The following FAT2 variants were observed in gnomAD, a reference collection of about 807,000 sequenced individuals.
FAT2 encodes protocadherin Fat 2.
In FAT2, 150 loss-of-function variants were observed where a neutral mutation model predicts 295.3. The ratio of observed to expected loss-of-function variants is 0.51; its 90% CI spans 0.44 to 0.58. The LOEUF is 0.58. Among genes scored for constraint, FAT2 ranks in the 20% least tolerant of loss-of-function variants. FAT2 has a pLI of 0.00. For missense variants in FAT2, 4,868 were observed against 5,442.7 expected, an observed-to-expected ratio of 0.89 and a Z score of 3.32; for synonymous variants, 2,026 against 2,150.3, an observed-to-expected ratio of 0.94 and a Z score of 1.60.
At position 151,545,368 on chromosome 5, in the gene FAT2, G is replaced by A. The variant is rs2127611979; in HGVS notation, c.5759C>T (p.Pro1920Leu). The A allele has an allele frequency of 6.2e-7, 1 of 1,614,184 alleles. No individual in the cohort carries two copies. The highest frequency in any genetic ancestry group is 8.5e-7 in the Non-Finnish European group (1 of 1,180,036). Residue 1920 changes from proline (P) to leucine (L), a missense_variant, in exon 10 of 24, where the codon CCT becomes CTT. By Grantham distance (98) the Pro-to-Leu change is moderately conservative. Transcript: ENST00000261800. ...CAGCACAGATATGCTACCAGTGACAGGATGGATGGTAACAGCTTCATCAGC... is the reference window on the plus strand; with the variant it reads ...CAGCACAGATATGCTACCAGTGACAAGATGGATGGTAACAGCTTCATCAGC... ...GNADEAVTIHPVTGSISVLNP... is the reference protein window; with the variant it reads ...GNADEAVTIHLVTGSISVLNP...
rs772598726 is a variant in FAT2, at chr5:151,545,286, C to A, written c.5841G>T (p.Leu1947Phe). ...RKLTIRASDG[L>F]YQDTALVKIS... Reference sequence around the variant, plus strand: ...TTTTTACCAGCGCAGTGTCTTGATACAAGCCATCAGAAGCCCTGATGGTGA... The same window carrying A: ...TTTTTACCAGCGCAGTGTCTTGATAAAAGCCATCAGAAGCCCTGATGGTGA... Residue 1947 changes from leucine (L) to phenylalanine (F), a missense_variant, in exon 10 of 24, where the codon TTG (leucine) becomes TTT (phenylalanine). Physicochemically the swap from Leu to Phe is conservative, Grantham distance 22 (BLOSUM62 0). Coordinates refer to ENST00000261800, the MANE Select transcript of FAT2 (RefSeq NM_001447.3). 6.2e-7 allele frequency: 1 copy of A among 1,614,006 alleles called. No homozygotes were observed. The highest frequency in any genetic ancestry group is 1.3e-5 in the African/African-American group (1 of 74,902).
At chr5:151,539,447 A>T (rs1755874801) in intron 11 of FAT2, among the ~76,000 whole-genome samples, 2 of 152,198 alleles carry the variant, frequency 1.3e-5, no homozygotes, top group Non-Finnish European at 2.9e-5. Flanking sequence ...GTGGGTGAGT[A>T]TATGGTTGAT....
intron 23 of FAT2, among the ~76,000 whole-genome samples, chr5:151,506,600 G>A (rs1760898130): frequency 6.6e-6 from 1 of 152,244 alleles, no homozygotes; most frequent in African/African-American, 2.4e-5. Flanking sequence ...GTTAGAACAA[G>A]TCACTGCATC....
intron 1 of FAT2, among the ~76,000 whole-genome samples, chr5:151,577,550 G>C (rs1168915447): frequency 6.6e-6 from 1 of 152,212 alleles, no homozygotes; most frequent in Non-Finnish European, 1.5e-5. Flanking sequence ...AAGGGGTAGA[G>C]CATGGAGGGG....
chr5:151,582,048 C>T lies in FAT2; in HGVS notation c.-21+9117G>A, dbSNP rs142750592. ...GGCAGGTTGCTGCAGGTGGGAGCTG[C>T]GCTCTGGCAGTGGGGCAAGACAGGC... On this transcript the variant is annotated intron_variant, in intron 1 of 23. Coordinates refer to ENST00000261800, the MANE Select transcript of FAT2 (RefSeq NM_001447.3). Among the ~76,000 whole-genome samples, 217 of 152,328 alleles carry T rather than the reference C, an allele frequency of 1.4e-3. 1 individual carries two copies. The highest frequency in any genetic ancestry group is 0.012 in the East Asian group (60 of 5,184).
chr5:151,585,939 AGG>A (rs1357037616), intron 1 of FAT2, among the ~76,000 whole-genome samples: 1 of 152,212 alleles, frequency 6.6e-6, no homozygotes, highest in Non-Finnish European at 1.5e-5. Flanking sequence ...ACTCTCAGAA[AGG>A]TGGAATCATG....
chr5:151,573,792 C>T (rs146108702), intron 1 of FAT2, among the ~76,000 whole-genome samples: 1 of 152,196 alleles, frequency 6.6e-6, no homozygotes, highest in Non-Finnish European at 1.5e-5. Flanking sequence ...TGTTTCAGCT[C>T]TCTACTCCAG....
intron 14 of FAT2, 76 bp from the exon 15 acceptor site, chr5:151,529,468 G>T: frequency 7.7e-7 from 1 of 1,299,846 alleles, no homozygotes. Flanking sequence ...TCTGAGCCCA[G>T]CCCTAGGAGA....
At chr5:151,509,020 CTCTT>C (rs1000331428) in intron 22 of FAT2, among the ~76,000 whole-genome samples, 3 of 152,126 alleles carry the variant, frequency 2.0e-5, no homozygotes, top group African/African-American at 4.8e-5. Context: ...TTGTCAAAGT[CTCTT>C]TCTCTCTAGG....
At chr5:151,570,676 G>T (rs376413083) in intron 1 of FAT2, among the ~76,000 whole-genome samples, 124 of 152,338 alleles carry the variant, frequency 8.1e-4, no homozygotes, top group Middle Eastern at 3.4e-3. Context: ...GCCCCTGGGA[G>T]CCTTGATTCC....
rs145842912 is a variant in FAT2, at chr5:151,525,870, C to G, written c.10404G>C (p.Lys3468Asn). 6.2e-7 allele frequency: 1 copy of G among 1,614,102 alleles called. No homozygotes were observed. The highest frequency in any genetic ancestry group is 2.2e-5 in the East Asian group (1 of 44,886). The change falls in exon 18 of 24, where the codon AAG (lysine) becomes AAC (asparagine). Residue 3468 changes from lysine to asparagine, a missense_variant. By Grantham distance (94) the Lys-to-Asn change is moderately conservative. This residue lies in a region of FAT2 where 1,046 missense variants were observed against 1,210.1 expected (regional missense o/e 0.86). Coordinates refer to ENST00000261800, the MANE Select transcript of FAT2 (RefSeq NM_001447.3). ...NGPPYSFRIT[K>N]GNNGSAFRVT... is the part of the protein sequence containing the mutation. ...CTCGGAAGGCAGAGCCGTTGTTCCC[C>G]TTGGTGATTCGAAACGAGTAGGGGG...
At chr5:151,579,161 C>A (rs1758851002) in intron 1 of FAT2, among the ~76,000 whole-genome samples, 2 of 152,140 alleles carry the variant, frequency 1.3e-5, no homozygotes, top group Non-Finnish European at 2.9e-5. Context: ...GGTTGGAAGG[C>A]AAGTAAGTTC....
Position 151,568,697 on chromosome 5 carries a change from C to G in FAT2, c.235G>C (p.Ala79Pro). Reference protein sequence around the residue: ...VRYRIISGDVANVFKTEEYVV... With the variant: ...VRYRIISGDVPNVFKTEEYVV... ...TACTCCTCAGTTTTAAATACATTGG[C>G]CACATCCCCAGAGATGATCCGGTAC... Residue 79 changes from alanine (A) to proline (P), a missense_variant, in exon 2 of 24, where the codon GCC becomes CCC. Physicochemically the swap from Ala to Pro is conservative, Grantham distance 27. This residue lies in a region of FAT2 where 3,297 missense variants were observed against 3,669.4 expected (regional missense o/e 0.90). Coordinates refer to ENST00000261800, the MANE Select transcript of FAT2 (RefSeq NM_001447.3). 6.2e-7 allele frequency: 1 copy of G among 1,614,168 alleles called. No individual in the cohort carries two copies. Among genetic ancestry groups the G allele is most frequent in the African/African-American group, 1.3e-5 (1 of 75,022 alleles).
chr5:151,594,505 C>T (rs898493454), upstream of FAT2, among the ~76,000 whole-genome samples: 2 of 152,212 alleles, frequency 1.3e-5, no homozygotes, highest in Non-Finnish European at 2.9e-5. Context: ...ACCTCAGCGT[C>T]CCTCTTTCAA....
At chr5:151,589,540 G>A (rs1759316734) in intron 1 of FAT2, among the ~76,000 whole-genome samples, 1 of 152,152 alleles carries the variant, frequency 6.6e-6, no homozygotes, top group African/African-American at 2.4e-5. Context: ...AGCCTCTCAA[G>A]GTTCTTCATC....
At position 151,504,789 on chromosome 5, in the gene FAT2, A is replaced by G. The variant is rs866502448; in HGVS notation, c.*776T>C. 2.0e-5 allele frequency: 3 copies of G among 152,634 alleles called. No individual in the cohort carries two copies. Among genetic ancestry groups the G allele is most frequent in the Non-Finnish European group, 4.4e-5 (3 of 68,048 alleles). 9.5% of individuals were successfully genotyped at this position (152,634 alleles called of 1,614,324 possible). A position where few individuals can be genotyped will look rare whatever the true frequency, so the allele number is the denominator to read the frequency against. On this transcript the variant is annotated 3_prime_UTR_variant, in exon 24 of 24. Transcript: ENST00000261800. Reference sequence around the variant, plus strand: ...TTCCATGAGGTCTGAATTCTTTAACAAAGAAGGTTCAGAGCTGTGTAGACT... The same window carrying G: ...TTCCATGAGGTCTGAATTCTTTAACGAAGAAGGTTCAGAGCTGTGTAGACT...
chr5:151,548,649 T>G (rs932920906), intron 9 of FAT2, among the ~76,000 whole-genome samples: 42 of 152,068 alleles, frequency 2.8e-4, no homozygotes, highest in African/African-American at 9.9e-4. Flanking sequence ...CCAGGCTAAT[T>G]TTTGTATTTT....
In FAT2 at chr5:151,545,142, A is replaced by T. The variant is rs1237014586; in HGVS notation, c.5985T>A (p.Asn1995Lys). Residue 1995 changes from asparagine to lysine, a missense_variant, in exon 10 of 24, where the codon AAT becomes AAA. Physicochemically the swap from Asn to Lys is moderately conservative, Grantham distance 94. This residue lies in a region of FAT2 where 3,297 missense variants were observed against 3,669.4 expected (regional missense o/e 0.90). Coordinates refer to ENST00000261800, the MANE Select transcript of FAT2 (RefSeq NM_001447.3). ...AGTAGGAAAGGGTGTCATTCAAATG[A>T]TTGCCCTGGGCACCAAGAATCACCA... is the stretch of plus-strand genomic sequence containing the variant. ...KALVILGAQGNHLNDTLSYFL... is the reference protein window; with the variant it reads ...KALVILGAQGKHLNDTLSYFL... 6.2e-7 allele frequency: 1 copy of T among 1,614,160 alleles called. No homozygotes were observed. Among genetic ancestry groups the T allele is most frequent in the Admixed American group, 1.7e-5 (1 of 60,012 alleles).
intron 2 of FAT2, among the ~76,000 whole-genome samples, 158 bp from the exon 3 acceptor site, chr5:151,563,797 G>T (rs572421421): frequency 1.3e-5 from 2 of 152,196 alleles, no homozygotes; most frequent in African/African-American, 4.8e-5. Context: ...TATAATGTGG[G>T]AGATGCTGAG....
Sources: gnomAD v4.1 joint callset for allele counts (sites outside exome capture counted in the v4.1 genomes callset) on GRCh38, gnomAD v4.1.1 for gene constraint, gnomAD v4.1.1 regional missense constraint, MANE v1.5 for transcripts, NCBI Gene and HGNC (gene_info 2026-07-23, HGNC 2026-07-21) for gene names.